The following PTPRD variants were observed in gnomAD, a reference collection of about 807,000 sequenced individuals.
PTPRD encodes the protein protein tyrosine phosphatase receptor type D.
PTPRD carries 34 observed loss-of-function variants against 214.5 expected under a neutral mutation model. That is an observed-to-expected ratio of 0.16 (90% confidence interval 0.12 to 0.21). PTPRD has a LOEUF of 0.21. Ranked by LOEUF, PTPRD falls within the 10% of genes least tolerant of loss-of-function variation. PTPRD has a pLI of 1.00. For missense variants in PTPRD, 2,545 were observed against 2,398.7 expected (o/e 1.06, Z -1.27); for synonymous variants, 1,128 against 845.7 (o/e 1.33, Z -5.79).
intron 2 of PTPRD, among the ~76,000 whole-genome samples, chr9:10,472,201 A>G (rs2131747476): frequency 6.6e-6 from 1 of 152,304 alleles, no homozygotes; most frequent in Non-Finnish European, 1.5e-5. Context: ...CTAGAGCAAA[A>G]GAAGTATAAA....
intron 2 of PTPRD, among the ~76,000 whole-genome samples, chr9:10,431,395 A>G (rs978336804): frequency 3.9e-5 from 6 of 152,190 alleles, no homozygotes; most frequent in African/African-American, 1.4e-4. Context: ...CATGTCTAAA[A>G]CACCAAAAGC....
chr9:10,183,219 G>A (rs1354868008), intron 3 of PTPRD, among the ~76,000 whole-genome samples: 7 of 152,098 alleles, frequency 4.6e-5, no homozygotes, highest in African/African-American at 1.7e-4. Context: ...CATGAATGGA[G>A]AGGAGATATA....
At chr9:9,695,712 C>T (rs1934266) in intron 7 of PTPRD, among the ~76,000 whole-genome samples, 24,985 of 152,010 alleles carry the variant, frequency 0.16, 2,798 homozygotes, top group East Asian at 0.33. Flanking sequence ...CACTGTTTTG[C>T]ATATGTTTAA....
intron 9 of PTPRD, among the ~76,000 whole-genome samples, chr9:9,235,993 G>C (rs1466274498): frequency 6.6e-6 from 1 of 152,144 alleles, no homozygotes; most frequent in African/African-American, 2.4e-5. Flanking sequence ...GCCAGGTGCG[G>C]TGTCTCATGC....
intron 5 of PTPRD, among the ~76,000 whole-genome samples, chr9:9,902,528 A>G (rs767941830): frequency 2.6e-5 from 4 of 152,150 alleles, no homozygotes; most frequent in Non-Finnish European, 4.4e-5. Context: ...TCTCAAGATA[A>G]CCACAGTATT....
At chr9:8,807,490 A>C (rs28429902) in intron 11 of PTPRD, among the ~76,000 whole-genome samples, 5,386 of 152,238 alleles carry the variant, frequency 0.035, 337 homozygotes, top group African/African-American at 0.12. Flanking sequence ...ATAATCAAAC[A>C]AACAAAGCAA....
chr9:9,446,283 G>C (rs537306276), intron 8 of PTPRD, among the ~76,000 whole-genome samples: 1 of 152,244 alleles, frequency 6.6e-6, no homozygotes, highest in Admixed American at 6.5e-5. Flanking sequence ...GTCCTCCCAA[G>C]TGTTGAGGAT....
chr9:10,165,519 A>AAC (rs1564255691), intron 3 of PTPRD, among the ~76,000 whole-genome samples: 1 of 151,862 alleles, frequency 6.6e-6, no homozygotes, highest in Non-Finnish European at 1.5e-5. Context: ...GCTTCTTTGT[A>AAC]TAACAATGGC....
chr9:9,691,151 A>T (rs546862909), intron 7 of PTPRD, among the ~76,000 whole-genome samples: 1 of 152,050 alleles, frequency 6.6e-6, no homozygotes, highest in South Asian at 2.1e-4. Context: ...GTTTTAAACA[A>T]TTTTTACTCT....
chr9:10,531,086 A>C (rs1373977416), intron 2 of PTPRD, among the ~76,000 whole-genome samples: 4 of 151,922 alleles, frequency 2.6e-5, no homozygotes, highest in African/African-American at 9.7e-5. Context: ...AGTGGCTGGG[A>C]TTGCAGGTGC....
At chr9:8,355,808 G>C (rs532942063) in intron 39 of PTPRD, among the ~76,000 whole-genome samples, 1 of 152,182 alleles carries the variant, frequency 6.6e-6, no homozygotes, top group African/African-American at 2.4e-5. Flanking sequence ...TCTGGGGTGG[G>C]ACCAAAGATT....
At chr9:8,517,524 T>A (rs1434205051) in intron 21 of PTPRD, among the ~76,000 whole-genome samples, 1 of 152,218 alleles carries the variant, frequency 6.6e-6, no homozygotes, top group African/African-American at 2.4e-5. Context: ...TCTACCATAC[T>A]AGCTATTACA....
In PTPRD at chr9:9,122,604, T is replaced by C. The variant is rs554370796; in HGVS notation, c.-143+60700A>G. 2.6e-5 allele frequency among the ~76,000 whole-genome samples: 4 copies of C among 152,358 alleles called. No individual in the cohort carries two copies. The East Asian group carries it at 5.8e-4, about 22-fold the overall frequency. On this transcript the variant is annotated intron_variant, in intron 10 of 45. Transcript: ENST00000381196. ...GATTTTAAGCTTCACTATTTCTAAGTGTCCTCCCATCTTGAAATGCTATGA... is the reference window on the plus strand; with the variant it reads ...GATTTTAAGCTTCACTATTTCTAAGCGTCCTCCCATCTTGAAATGCTATGA...
At chr9:9,069,341 T>G (rs2099740393) in intron 10 of PTPRD, among the ~76,000 whole-genome samples, 1 of 152,206 alleles carries the variant, frequency 6.6e-6, no homozygotes, top group Non-Finnish European at 1.5e-5. Context: ...TTAGCCACAG[T>G]AGTATTCACA....
chr9:9,222,153 G>A (rs528920270), intron 9 of PTPRD, among the ~76,000 whole-genome samples: 2 of 151,994 alleles, frequency 1.3e-5, no homozygotes, highest in South Asian at 2.1e-4. Context: ...TTTTCTTATT[G>A]TAGGCAAAAG....
At chr9:10,169,127 C>T (rs1564283895) in intron 3 of PTPRD, among the ~76,000 whole-genome samples, 2 of 152,096 alleles carry the variant, frequency 1.3e-5, no homozygotes, top group Non-Finnish European at 2.9e-5. Flanking sequence ...CCCCTTACTC[C>T]CATCCCCATT....
intron 3 of PTPRD, among the ~76,000 whole-genome samples, chr9:10,045,564 A>C (rs770795386): frequency 6.6e-6 from 1 of 151,696 alleles, no homozygotes; most frequent in Non-Finnish European, 1.5e-5. Context: ...TATATGTTTC[A>C]GCTATCATTT....
intron 11 of PTPRD, among the ~76,000 whole-genome samples, chr9:8,852,805 T>C (rs1309890827): frequency 1.3e-5 from 2 of 152,174 alleles, no homozygotes; most frequent in Admixed American, 6.5e-5. Flanking sequence ...ATTTTCAAAA[T>C]GTCATAGGCC....
intron 3 of PTPRD, among the ~76,000 whole-genome samples, chr9:10,189,917 C>G (rs1479628884): frequency 6.6e-6 from 1 of 151,974 alleles, no homozygotes; most frequent in Non-Finnish European, 1.5e-5. Flanking sequence ...GGAAACAAAA[C>G]AGAGCACGGA....
Sources: gnomAD v4.1 joint callset for allele counts (sites outside exome capture counted in the v4.1 genomes callset) on GRCh38, gnomAD v4.1.1 for gene constraint, MANE v1.5 for transcripts, NCBI Gene and HGNC (gene_info 2026-07-23, HGNC 2026-07-21) for gene names.